The following TF variants were observed in gnomAD, a reference collection of about 807,000 sequenced individuals.
The protein encoded by TF is transferrin.
TF carries 55 observed loss-of-function variants against 82.4 expected under a neutral mutation model. The ratio of observed to expected loss-of-function variants is 0.67; its 90% CI spans 0.54 to 0.84. The LOEUF (loss-of-function observed/expected upper bound fraction) is 0.84, where lower values mean the gene tolerates loss of function less well. Ranked by LOEUF, TF falls within the 40% of genes least tolerant of loss-of-function variation. The pLI is 0.00. For synonymous variants in TF, 332 were observed against 332.6 expected, an observed-to-expected ratio of 1.00 and a Z score of 0.02; for missense variants, 737 against 868.4, an observed-to-expected ratio of 0.85 and a Z score of 1.90.
the TF span, among the ~76,000 whole-genome samples, chr3:133,714,699 T>G: frequency 7.2e-5 from 11 of 152,284 alleles, no homozygotes; most frequent in East Asian, 1.9e-4. Flanking sequence ...TTGTTTGTTT[T>G]TTTGATGGAG....
At chr3:133,742,863 A>G (rs1933418103), upstream of TF, among the ~76,000 whole-genome samples, 1 of 152,090 alleles carries the variant, frequency 6.6e-6, no homozygotes, top group East Asian at 1.9e-4. Flanking sequence ...GCACGTACAC[A>G]CAAGCGCAGC....
At chr3:133,692,403 A>G in the TF span, among the ~76,000 whole-genome samples, 1 of 152,112 alleles carries the variant, frequency 6.6e-6, no homozygotes, top group African/African-American at 2.4e-5. Flanking sequence ...AGCTGCAGGG[A>G]GAACTGCTGT....
intron 15 of TF, 138 bp from the exon 16 acceptor site, chr3:133,776,911 G>A (rs1934406812): frequency 2.6e-6 from 2 of 763,986 alleles, no homozygotes; most frequent in South Asian, 3.2e-5. Flanking sequence ...GATAAAGGAG[G>A]TGGAAAATTC....
At chr3:133,710,743 A>G in the TF span, among the ~76,000 whole-genome samples, 1 of 151,928 alleles carries the variant, frequency 6.6e-6, no homozygotes, top group South Asian at 2.1e-4. Context: ...GTGTCCAACA[A>G]TTTCTCTCAA....
the TF span, among the ~76,000 whole-genome samples, chr3:133,737,425 C>T: frequency 6.6e-6 from 1 of 151,986 alleles, no homozygotes; most frequent in Non-Finnish European, 1.5e-5. Flanking sequence ...CAACAGCAAA[C>T]ACATTCAAAA....
chr3:133,714,449 T>C, the TF span, among the ~76,000 whole-genome samples: 16 of 151,928 alleles, frequency 1.1e-4, no homozygotes, highest in East Asian at 3.1e-3. Context: ...AAGCCATGCA[T>C]AAATTACATA....
At chr3:133,759,464 A>G in intron 9 of TF, 135 bp downstream of exon 9, 2 of 1,067,608 alleles carry the variant, frequency 1.9e-6, no homozygotes, top group African/African-American at 1.5e-5. Context: ...CTATGTGAGC[A>G]CAGCCCCACC....
the TF span, among the ~76,000 whole-genome samples, chr3:133,684,137 A>T: frequency 6.6e-6 from 1 of 152,224 alleles, no homozygotes; most frequent in East Asian, 1.9e-4. Context: ...AGAAATAAAG[A>T]TGTTCTTTGA....
chr3:133,766,205 A>G, intron 11 of TF, 73 bp from the exon 12 acceptor site: 1 of 1,435,384 alleles, frequency 7.0e-7, no homozygotes, highest in Non-Finnish European at 9.8e-7. Flanking sequence ...TTCCCTAGGG[A>G]AATTGATTGG....
the TF span, chr3:133,699,313 T>C: frequency 1.4e-5 from 6 of 416,198 alleles, no homozygotes; most frequent in Admixed American, 3.1e-5. Flanking sequence ...CTGTATAAAA[T>C]GTTTTTGGAA....
At chr3:133,746,355 G>A (rs1005950547), upstream of TF, 13 of 1,492,196 alleles carry the variant, frequency 8.7e-6, 1 homozygote, top group Admixed American at 2.4e-4. Context: ...CGCCCAGGCC[G>A]GGAATGGAAT....
At chr3:133,723,808 T>C in the TF span, among the ~76,000 whole-genome samples, 1 of 151,706 alleles carries the variant, frequency 6.6e-6, no homozygotes, top group Non-Finnish European at 1.5e-5. Context: ...CCCTCCCCCT[T>C]CCCCACCCCA....
the TF span, among the ~76,000 whole-genome samples, chr3:133,719,377 C>G: frequency 6.6e-6 from 1 of 152,072 alleles, no homozygotes; most frequent in Non-Finnish European, 1.5e-5. Flanking sequence ...AATAAGTAAG[C>G]AGTTTTCTTT....
Position 133,754,502 on chromosome 3 carries a change from G to A in TF, c.333G>A (p.Gln111=), listed in dbSNP as rs150548621. 3.5e-3 allele frequency: 5,698 copies of A among 1,614,122 alleles called. 13 individuals are homozygous for A. The highest frequency in any genetic ancestry group is 4.3e-3 in the Non-Finnish European group (5,114 of 1,180,024). ...CACACTGTGCCTTTGCAGATCCACA[G>A]ACTTTCTATTATGCTGTTGCTGTGG... ...AEFYGSKEDP[Q]TFYYAVAVVK... The change falls in exon 4 of 17, where the codon CAG becomes CAA. Residue 111 remains glutamine, a synonymous_variant. Coordinates refer to ENST00000402696, the MANE Select transcript of TF (RefSeq NM_001063.4).
Sources: gnomAD v4.1 joint callset for allele counts (sites outside exome capture counted in the v4.1 genomes callset) on GRCh38, gnomAD v4.1.1 for gene constraint, MANE v1.5 for transcripts, NCBI Gene and HGNC (gene_info 2026-07-23, HGNC 2026-07-21) for gene names.